KLHL9: variants seen among roughly 807,000 people sequenced by gnomAD.
The protein encoded by KLHL9 is kelch like family member 9, also known as kelch-like protein 9.
In KLHL9, 27 loss-of-function variants were observed where a neutral mutation model predicts 42.3. The ratio of observed to expected loss-of-function variants is 0.64; its 90% CI spans 0.47 to 0.88. The LOEUF is 0.88. Among genes scored for constraint, KLHL9 ranks in the 40% least tolerant of loss-of-function variants. KLHL9 has a pLI of 0.00. For missense variants in KLHL9, 629 were observed against 750.3 expected (o/e 0.84, Z 1.89); for synonymous variants, 274 against 254.4 (o/e 1.08, Z -0.73).
chr9:21,335,084 G>A lies in KLHL9; in HGVS notation c.-225C>T, dbSNP rs1820246110. On this transcript the variant is annotated 5_prime_UTR_variant, in exon 1 of 1. Coordinates refer to ENST00000359039, the MANE Select transcript of KLHL9 (RefSeq NM_018847.4). ...GGACCTCAAATCTGATTATTAGACA[G>A]ATGATTCATCACCTGAAGGCGGTTA... 3.3e-6 allele frequency: 2 copies of A among 597,072 alleles called. No homozygotes were observed. Among genetic ancestry groups the A allele is most frequent in the Admixed American group, 6.7e-5 (2 of 29,898 alleles). 37.0% of individuals were successfully genotyped at this position (597,072 alleles called of 1,614,324 possible). A position where few individuals can be genotyped will look rare whatever the true frequency, so the allele number is the denominator to read the frequency against.
chr9:21,333,018 T>C lies in KLHL9; in HGVS notation c.1842A>G (p.Ser614=). Residue 614 remains serine, a synonymous_variant, in exon 1 of 1, where the codon TCA becomes TCG. Coordinates refer to ENST00000359039, the MANE Select transcript of KLHL9 (RefSeq NM_018847.4). This position sits in a 1 kb window ranked among gnomAD's most constrained non-coding sequence, Gnocchi z 7.5. ...PSRESPLSAP[S]DHS is the part of the protein sequence containing the mutation. ...TTACACCTTAGACCTAAGAATGATCTGAAGGTGCTGAAAGAGGTGATTCTC... is the reference window on the plus strand; with the variant it reads ...TTACACCTTAGACCTAAGAATGATCCGAAGGTGCTGAAAGAGGTGATTCTC... The C allele has an allele frequency of 6.2e-7, 1 of 1,613,998 alleles. No individual in the cohort carries two copies. The highest frequency in any genetic ancestry group is 2.2e-5 in the East Asian group (1 of 44,882).
rs1820176150 is a variant in KLHL9 at position 21,331,832 on chromosome 9, T to A, written c.*1174A>T. On this transcript the variant is annotated 3_prime_UTR_variant, in exon 1 of 1. Transcript: ENST00000359039. ...CCTCACTTGATGCAGAAGAAAATGT[T>A]ATCTCCTGCTTGCTCAGATCATAGC... 6.6e-6 allele frequency: 1 copy of A among 152,548 alleles called. No individual in the cohort carries two copies. The highest frequency in any genetic ancestry group is 1.5e-5 in the Non-Finnish European group (1 of 68,044). 9.4% of individuals were successfully genotyped at this position (152,548 alleles called of 1,614,324 possible).
Position 21,330,012 on chromosome 9 carries a change from T to C in KLHL9, c.*2994A>G, listed in dbSNP as rs940076261. ...GAACTTTCTTTAAAAAATTACCAGC[T>C]TATGAAAATAAATCTCTTTCCATTT... is the stretch of plus-strand genomic sequence containing the variant. On this transcript the variant is annotated 3_prime_UTR_variant, in exon 1 of 1. Coordinates refer to ENST00000359039, the MANE Select transcript of KLHL9 (RefSeq NM_018847.4). The C allele has an allele frequency of 1.3e-5, 2 of 152,124 alleles. No homozygotes were observed. Among genetic ancestry groups the C allele is most frequent in the Non-Finnish European group, 2.9e-5 (2 of 68,004 alleles). 9.4% of individuals were successfully genotyped at this position (152,124 alleles called of 1,614,324 possible).
At position 21,334,851 on chromosome 9, in the gene KLHL9, C is replaced by A. The variant is rs773203199; in HGVS notation, c.9G>T (p.Val3=). ...CGCCCATTTCGCCGTTACCAAGGGA[C>A]ACTTTCATGTGAAAGCTTTCCTCTT... MK[V]SLGNGEMGVS... is the part of the protein sequence containing the mutation. The change falls in exon 1 of 1, where the codon GTG becomes GTT. Residue 3 remains valine (V), a synonymous_variant. Coordinates refer to ENST00000359039, the MANE Select transcript of KLHL9 (RefSeq NM_018847.4). This position sits in a 1 kb window ranked among gnomAD's most constrained non-coding sequence, Gnocchi z 5.1. 2 of 1,614,172 alleles carry A rather than the reference C, an allele frequency of 1.2e-6. No homozygotes were observed. The highest frequency in any genetic ancestry group is 1.1e-5 in the South Asian group (1 of 91,086).
rs749175787 is a variant in KLHL9, at chr9:21,333,222, T to C, written c.1638A>G (p.Lys546=). ...SDVGVAVFEN[K]IYVVGGYSWN... is the part of the protein sequence containing the mutation. ...AAGAATATCCACCAACAACATAGAT[T>C]TTATTTTCAAAGACGGCAACTCCAA... The change falls in exon 1 of 1, where the codon AAA becomes AAG. Residue 546 remains lysine, a synonymous_variant. Transcript: ENST00000359039. This position sits in a 1 kb window ranked among gnomAD's most constrained non-coding sequence, Gnocchi z 7.5. 7 of 1,613,712 alleles carry C rather than the reference T, an allele frequency of 4.3e-6. No individual in the cohort carries two copies. Among genetic ancestry groups the C allele is most frequent in the Non-Finnish European group, 5.9e-6 (7 of 1,179,612 alleles).
Position 21,331,740 on chromosome 9 carries a change from T to C in KLHL9, c.*1266A>G, listed in dbSNP as rs1030561427. ...TAAGACCATAGTGTTCCAGAGGCTC[T>C]GTAGCTGGCTTCTTTGGGAATCTGA... On this transcript the variant is annotated 3_prime_UTR_variant, in exon 1 of 1. Coordinates refer to ENST00000359039, the MANE Select transcript of KLHL9 (RefSeq NM_018847.4). The C allele has an allele frequency of 6.6e-6, 1 of 152,548 alleles. No homozygotes were observed. The highest frequency in any genetic ancestry group is 2.4e-5 in the African/African-American group (1 of 41,462). The allele number at this position is 152,548 out of a possible 1,614,324, so 9.4% of individuals were successfully genotyped here. A position where few individuals can be genotyped will look rare whatever the true frequency, so the allele number is the denominator to read the frequency against.
In KLHL9 at chr9:21,332,664, G is replaced by A. The variant is rs946787714; in HGVS notation, c.*342C>T. 6.6e-5 allele frequency: 15 copies of A among 226,556 alleles called. No individual in the cohort carries two copies. Among genetic ancestry groups the A allele is most frequent in the African/African-American group, 3.0e-4 (13 of 43,690 alleles). 14.0% of individuals were successfully genotyped at this position (226,556 alleles called of 1,614,324 possible). A position where few individuals can be genotyped will look rare whatever the true frequency, so the allele number is the denominator to read the frequency against. ...CCTTTCGTTATTTTTAGTTTAGAGC[G>A]GCCTCCCTCTGACATTTTGGAGTCA... On this transcript the variant is annotated 3_prime_UTR_variant, in exon 1 of 1. Coordinates refer to ENST00000359039, the MANE Select transcript of KLHL9 (RefSeq NM_018847.4).
rs1452630562 is a variant in KLHL9, at chr9:21,334,910, A to G, written c.-51T>C. On this transcript the variant is annotated 5_prime_UTR_variant, in exon 1 of 1. Transcript: ENST00000359039. This position sits in a 1 kb window ranked among gnomAD's most constrained non-coding sequence, Gnocchi z 5.1. ...ATGCAAGCCGGATAAAGAAGTTATA[A>G]CCGGAATGTTTTACAGGTAACGAGG... is the stretch of plus-strand genomic sequence containing the variant. 3.1e-6 allele frequency: 5 copies of G among 1,610,380 alleles called. No individual in the cohort carries two copies. In the East Asian group the frequency reaches 1.1e-4, roughly 36 times the overall value.
Position 21,333,049 on chromosome 9 carries a change from G to A in KLHL9, c.1811C>T (p.Pro604Leu), listed in dbSNP as rs764288357. 1.2e-6 allele frequency: 2 copies of A among 1,614,160 alleles called. No individual in the cohort carries two copies. The highest frequency in any genetic ancestry group is 1.7e-6 in the Non-Finnish European group (2 of 1,180,006). ...TGCTGAAAGAGGTGATTCTCTAGAA[G>A]GTGACCCAGGGTTTTCTTCAGGTGG... ...VFPPEENPGS[P>L]SRESPLSAPS... is the part of the protein sequence containing the mutation. The change falls in exon 1 of 1, where the codon CCT (proline) becomes CTT (leucine). Residue 604 changes from proline (P) to leucine (L), a missense_variant. Physicochemically the swap from Pro to Leu is moderately conservative, Grantham distance 98. Around this residue, in one of 4 missense-constraint regions of KLHL9, gnomAD observed 61 missense variants for 63.5 expected, o/e 0.96. Transcript: ENST00000359039. The surrounding 1 kb of genome is among the most constrained non-coding windows in gnomAD (Gnocchi z 7.5).
At position 21,335,217 on chromosome 9, in the gene KLHL9, GGCGGGTCCGGACA is replaced by G. The variant is rs1277838679; in HGVS notation, c.-371_-359del. ...ACTGTGGCTCCACGGCCCGCTCGGC[GGCGGGTCCGGACA>G]CCTCAGCGAACGGCCCGCTGCGCCC... On this transcript the variant is annotated 5_prime_UTR_variant, in exon 1 of 1. Coordinates refer to ENST00000359039, the MANE Select transcript of KLHL9 (RefSeq NM_018847.4). 2.0e-6 allele frequency: 1 copy of G among 509,650 alleles called. No homozygotes were observed. Among genetic ancestry groups the G allele is most frequent in the African/African-American group, 2.0e-5 (1 of 51,016 alleles). The allele number at this position is 509,650 out of a possible 1,614,324, so 31.6% of individuals were successfully genotyped here. A position where few individuals can be genotyped will look rare whatever the true frequency, so the allele number is the denominator to read the frequency against.
rs1198318495 is a variant in KLHL9, at chr9:21,334,402, T to C, written c.458A>G (p.Asn153Ser). 1 of 1,614,046 alleles carries C rather than the reference T, an allele frequency of 6.2e-7. No homozygotes were observed. Among genetic ancestry groups the C allele is most frequent in the Admixed American group, 1.7e-5 (1 of 60,008 alleles). ...VFLISGVSLD[N>S]CVEVGRIANT... is the part of the protein sequence containing the mutation. ...AGCAATTCGTCCAACCTCAACACAG[T>C]TATCCAAAGAGACTCCTGATATAAG... is the stretch of plus-strand genomic sequence containing the variant. The change falls in exon 1 of 1, where the codon AAC becomes AGC. Residue 153 changes from asparagine to serine, a missense_variant. Asn to Ser is a conservative substitution (Grantham distance 46). This residue lies in a region of KLHL9 where 351 missense variants were observed against 363.1 expected (regional missense o/e 0.97). Transcript: ENST00000359039. This position sits in a 1 kb window ranked among gnomAD's most constrained non-coding sequence, Gnocchi z 5.1.
In KLHL9 at chr9:21,330,304, G is replaced by C. The variant is rs1820147052; in HGVS notation, c.*2702C>G. 1 of 152,192 alleles carries C rather than the reference G, an allele frequency of 6.6e-6. No homozygotes were observed. The highest frequency in any genetic ancestry group is 1.5e-5 in the Non-Finnish European group (1 of 68,040). 9.4% of individuals were successfully genotyped at this position (152,192 alleles called of 1,614,324 possible). ...GTTGTGCATGAAACAAGTCTTCACTGTGTTTTGAGTGTAACCTGTCACATG... is the reference window on the plus strand; with the variant it reads ...GTTGTGCATGAAACAAGTCTTCACTCTGTTTTGAGTGTAACCTGTCACATG... On this transcript the variant is annotated 3_prime_UTR_variant, in exon 1 of 1. Transcript: ENST00000359039.
Position 21,333,088 on chromosome 9 carries a change from G to C in KLHL9, c.1772C>G (p.Thr591Arg). Residue 591 changes from threonine to arginine, a missense_variant, in exon 1 of 1, where the codon ACA (threonine) becomes AGA (arginine). By Grantham distance (71) the Thr-to-Arg change is moderately conservative (BLOSUM62 -1). Transcript: ENST00000359039. This position sits in a 1 kb window ranked among gnomAD's most constrained non-coding sequence, Gnocchi z 7.5. ...PESLGGIRAC[T>R]LTVFPPEENP... ...TTCTTCAGGTGGAAAAACTGTGAGT[G>C]TACAGGCTCGAATGCCACCAAGTGA... The C allele has an allele frequency of 1.2e-6, 2 of 1,614,170 alleles. No homozygotes were observed. The highest frequency in any genetic ancestry group is 1.7e-6 in the Non-Finnish European group (2 of 1,180,012).
At position 21,334,042 on chromosome 9, in the gene KLHL9, G is replaced by C. The variant is rs1820222066; in HGVS notation, c.818C>G (p.Ala273Gly). 6.2e-7 allele frequency: 1 copy of C among 1,614,060 alleles called. No homozygotes were observed. Among genetic ancestry groups the C allele is most frequent in the South Asian group, 1.1e-5 (1 of 91,076 alleles). The change falls in exon 1 of 1, where the codon GCT (alanine) becomes GGT (glycine). Residue 273 changes from alanine (A) to glycine (G), a missense_variant. Physicochemically the swap from Ala to Gly is moderately conservative, Grantham distance 60. Transcript: ENST00000359039. The surrounding 1 kb of genome is among the most constrained non-coding windows in gnomAD (Gnocchi z 5.1). ...ATATGGCATCATTTGGTAATTGCTA[G>C]CTTCCAAAAGCAAATTCACGCAGGT... ...DNTCVNLLLE[A>G]SNYQMMPYMQ...
rs1820179805 is a variant in KLHL9 at position 21,331,995 on chromosome 9, A to T, written c.*1011T>A. On this transcript the variant is annotated 3_prime_UTR_variant, in exon 1 of 1. Coordinates refer to ENST00000359039, the MANE Select transcript of KLHL9 (RefSeq NM_018847.4). The stretch of plus-strand genomic sequence containing the variant: ...AAAACCCTATAGCTTTGTTCAGAAT[A>T]TTTTTTTCTTTGCTTTTTTCATTAA... 6.6e-6 allele frequency: 1 copy of T among 152,418 alleles called. No individual in the cohort carries two copies. Among genetic ancestry groups the T allele is most frequent in the South Asian group, 2.1e-4 (1 of 4,828 alleles). 9.4% of individuals were successfully genotyped at this position (152,418 alleles called of 1,614,324 possible).
chr9:21,334,662 G>C lies in KLHL9; in HGVS notation c.198C>G (p.His66Gln). The change falls in exon 1 of 1, where the codon CAC (histidine) becomes CAG (glutamine). Residue 66 changes from histidine (H) to glutamine (Q), a missense_variant. Coordinates refer to ENST00000359039, the MANE Select transcript of KLHL9 (RefSeq NM_018847.4). The surrounding 1 kb of genome is among the most constrained non-coding windows in gnomAD (Gnocchi z 5.1). ...CACTAGCAGACGCCATCATAGCTCT[G>C]TGAACAGGGAAGATTTCATCTCCAT... ...PGDGDEIFPV[H>Q]RAMMASASDY... 1 of 1,614,148 alleles carries C rather than the reference G, an allele frequency of 6.2e-7. No individual in the cohort carries two copies. The highest frequency in any genetic ancestry group is 2.2e-5 in the East Asian group (1 of 44,884).
rs1038314892 is a variant in KLHL9 at position 21,329,765 on chromosome 9, T to A, written c.*3241A>T. ...TGACAAATGCCTGCACATATGTACG[T>A]ATATATATATATATAATATACTATT... On this transcript the variant is annotated 3_prime_UTR_variant, in exon 1 of 1. Coordinates refer to ENST00000359039, the MANE Select transcript of KLHL9 (RefSeq NM_018847.4). 5 of 139,968 alleles carry A rather than the reference T, an allele frequency of 3.6e-5. No homozygotes were observed. The highest frequency in any genetic ancestry group is 2.2e-4 in the South Asian group (1 of 4,452). The allele number at this position is 139,968 out of a possible 1,614,324, so 8.7% of individuals were successfully genotyped here. A position where few individuals can be genotyped will look rare whatever the true frequency, so the allele number is the denominator to read the frequency against.
In KLHL9 at chr9:21,334,075, G is replaced by C. The variant is rs149732449; in HGVS notation, c.785C>G (p.Thr262Arg). 23 of 1,614,096 alleles carry C rather than the reference G, an allele frequency of 1.4e-5. No homozygotes were observed. In the African/African-American group the frequency reaches 2.3e-4, roughly 16 times the overall value. Residue 262 changes from threonine (T) to arginine (R), a missense_variant, in exon 1 of 1, where the codon ACA (threonine) becomes AGA (arginine). Thr to Arg is a moderately conservative substitution (Grantham distance 71). Coordinates refer to ENST00000359039, the MANE Select transcript of KLHL9 (RefSeq NM_018847.4). This position sits in a 1 kb window ranked among gnomAD's most constrained non-coding sequence, Gnocchi z 5.1. ...NYVQTVDFMR[T>R]DNTCVNLLLE... Reference sequence around the variant, plus strand: ...AAGCAAATTCACGCAGGTATTGTCTGTTCTCATGAAATCTACTGTCTGCAC... The same window carrying C: ...AAGCAAATTCACGCAGGTATTGTCTCTTCTCATGAAATCTACTGTCTGCAC...
At position 21,333,462 on chromosome 9, in the gene KLHL9, A is replaced by C; in HGVS notation, c.1398T>G (p.Phe466Leu). ...GCATCCATTTATCTGTATCTGGGTCAAAACACATGAGCTCATTTTGGAAAG... is the reference window on the plus strand; with the variant it reads ...GCATCCATTTATCTGTATCTGGGTCCAAACACATGAGCTCATTTTGGAAAG... ...HDTFQNELMC[F>L]DPDTDKWMQK... Residue 466 changes from phenylalanine (F) to leucine (L), a missense_variant, in exon 1 of 1, where the codon TTT (phenylalanine) becomes TTG (leucine). By Grantham distance (22) the Phe-to-Leu change is conservative (BLOSUM62 0). Coordinates refer to ENST00000359039, the MANE Select transcript of KLHL9 (RefSeq NM_018847.4). The surrounding 1 kb of genome is among the most constrained non-coding windows in gnomAD (Gnocchi z 7.5). The C allele has an allele frequency of 6.2e-7, 1 of 1,614,256 alleles. No homozygotes were observed. Among genetic ancestry groups the C allele is most frequent in the African/African-American group, 1.3e-5 (1 of 75,062 alleles).
Sources: gnomAD v4.1 joint callset for allele counts on GRCh38, gnomAD v4.1.1 for gene constraint, gnomAD v4.1.1 regional missense constraint, Gnocchi (gnomAD v3.1) non-coding constraint, MANE v1.5 for transcripts, NCBI Gene and HGNC (gene_info 2026-07-23, HGNC 2026-07-21) for gene names.